C4orf54: variants seen among roughly 807,000 people sequenced by gnomAD.
C4orf54 encodes the protein chromosome 4 open reading frame 54, also known as uncharacterized protein C4orf54.
A neutral mutation model predicts 80.1 loss-of-function variants in C4orf54; 67 were observed. The ratio of observed to expected loss-of-function variants is 0.84; its 90% confidence interval spans 0.69 to 1.03. The LOEUF is 1.03. Among genes scored for constraint, C4orf54 ranks in the 50% least tolerant of loss-of-function variants. The pLI, the probability that C4orf54 is intolerant of heterozygous loss-of-function variation, is 0.00. For missense variants in C4orf54, 2,434 were observed against 2,253.5 expected, an observed-to-expected ratio of 1.08 and a Z score of -1.62; for synonymous variants, 1,000 against 917.0, an observed-to-expected ratio of 1.09 and a Z score of -1.64.
At chr4:99,644,454 TAAAAC>T (rs1726664322) in intron 2 of C4orf54, among the ~76,000 whole-genome samples, 1 of 151,856 alleles carries the variant, frequency 6.6e-6, no homozygotes, top group Admixed American at 6.6e-5. Flanking sequence ...GAAGATAAAA[TAAAAC>T]AGAAGCTATT....
At position 99,657,736 on chromosome 4, in the gene C4orf54, C is replaced by T. The variant is rs1727002865; in HGVS notation, c.-273G>A. On this transcript the variant is annotated 5_prime_UTR_variant, in exon 1 of 3. Coordinates refer to ENST00000511828, the MANE Select transcript of C4orf54 (RefSeq NM_001354435.2). ...AGGCTAAAGTAAAACAATTAAGAAC[C>T]CCAAACTGCTTTCCCTCTGGCATTT... Among the ~76,000 whole-genome samples, 1 of 152,088 alleles carries T rather than the reference C, an allele frequency of 6.6e-6. No individual in the cohort carries two copies. The highest frequency in any genetic ancestry group is 1.5e-5 in the Non-Finnish European group (1 of 68,008).
Position 99,649,996 on chromosome 4 carries a change from G to A in C4orf54, c.4653C>T (p.Ser1551=). The A allele has an allele frequency of 2.0e-6, 3 of 1,535,554 alleles. No homozygotes were observed. The highest frequency in any genetic ancestry group is 2.4e-5 in the South Asian group (2 of 84,026). Residue 1551 remains serine (S), a synonymous_variant, in exon 2 of 3, where the codon AGC becomes AGT. Transcript: ENST00000511828. ...AGATGGTGGTGGGGGGATGCTCGGG[G>A]CTCTGTGGCCCTGGGGGGGCAGCTA... ...ETVAAPPGPQ[S]PEHPPTTIYH...
Position 99,653,573 on chromosome 4 carries a change from G to A in C4orf54, c.1076C>T (p.Pro359Leu). ...IIAKSQGSRD[P>L]PKVEEAHYIT... Reference sequence around the variant, plus strand: ...GTAGTGAGCCTCTTCGACTTTGGGGGGGTCCCTGCTGCCCTGGGACTTGGC... The same window carrying A: ...GTAGTGAGCCTCTTCGACTTTGGGGAGGTCCCTGCTGCCCTGGGACTTGGC... Residue 359 changes from proline (P) to leucine (L), a missense_variant, in exon 2 of 3, where the codon CCC becomes CTC. Transcript: ENST00000511828. 1 of 1,535,964 alleles carries A rather than the reference G, an allele frequency of 6.5e-7. No individual in the cohort carries two copies. Among genetic ancestry groups the A allele is most frequent in the South Asian group, 1.2e-5 (1 of 84,054 alleles).
In C4orf54 at chr4:99,652,379, C is replaced by T; in HGVS notation, c.2270G>A (p.Arg757His). Reference sequence around the variant, plus strand: ...GGCCGAGCTGGCTTTGCTCTCACTGCGTACATTCAGGGGCTCCAAAAGGGT... The same window carrying T: ...GGCCGAGCTGGCTTTGCTCTCACTGTGTACATTCAGGGGCTCCAAAAGGGT... The part of the protein sequence containing the change: ...VVTLLEPLNV[R>H]SESKASSAPG... The change falls in exon 2 of 3, where the codon CGC becomes CAC. Residue 757 changes from arginine (R) to histidine (H), a missense_variant. Arg to His is a conservative substitution (Grantham distance 29, BLOSUM62 0). Transcript: ENST00000511828. 1.3e-6 allele frequency: 2 copies of T among 1,536,070 alleles called. No individual in the cohort carries two copies. Among genetic ancestry groups the T allele is most frequent in the Non-Finnish European group, 1.7e-6 (2 of 1,146,890 alleles).
At chr4:99,655,131 G>C (rs1241819347) in intron 1 of C4orf54, among the ~76,000 whole-genome samples, 1 of 152,078 alleles carries the variant, frequency 6.6e-6, no homozygotes, top group Non-Finnish European at 1.5e-5. Context: ...CATAAGAATA[G>C]AATATTCCAT....
In C4orf54 at chr4:99,650,675, C is replaced by A; in HGVS notation, c.3974G>T (p.Gly1325Val). 6.5e-7 allele frequency: 1 copy of A among 1,536,124 alleles called. No individual in the cohort carries two copies. The highest frequency in any genetic ancestry group is 8.7e-7 in the Non-Finnish European group (1 of 1,146,910). Residue 1325 changes from glycine to valine, a missense_variant, in exon 2 of 3, where the codon GGA (glycine) becomes GTA (valine). Transcript: ENST00000511828. ...TCGCAGGACCACACCAGCTTTGTTT[C>A]CTGTGCCCCGCTCTTCCACCTCACC... The part of the protein sequence containing the change: ...RLGEVEERGT[G>V]NKAGVVLRGA...
rs889042508 is a variant in C4orf54 at position 99,649,375 on chromosome 4, C to T, written c.5274G>A (p.Leu1758=). 3 of 1,535,998 alleles carry T rather than the reference C, an allele frequency of 2.0e-6. No individual in the cohort carries two copies. The highest frequency in any genetic ancestry group is 4.9e-5 in the East Asian group (2 of 40,918). Residue 1758 remains leucine, a synonymous_variant, in exon 2 of 3, where the codon CTG becomes CTA. Coordinates refer to ENST00000511828, the MANE Select transcript of C4orf54 (RefSeq NM_001354435.2). ...TAATGCTGATGACAGGCTTGCCATG[C>T]AGCTGGGCAAAGGCCTTGGCCCCTA... ...QLLGAKAFAQ[L]HGKPVISITS...
chr4:99,651,599 G>C lies in C4orf54; in HGVS notation c.3050C>G (p.Thr1017Ser), dbSNP rs1270529754. Residue 1017 changes from threonine (T) to serine (S), a missense_variant, in exon 2 of 3, where the codon ACC becomes AGC. By Grantham distance (58) the Thr-to-Ser change is moderately conservative (BLOSUM62 1). Transcript: ENST00000511828. ...CTTGGGTCTGATCACCGCTGTGGAG[G>C]TGGCCTGAGCAGCAGGGTACTTGGT... ...QATKYPAAQA[T>S]STAVIRPKAP... 6.5e-7 allele frequency: 1 copy of C among 1,536,146 alleles called. No individual in the cohort carries two copies. Among genetic ancestry groups the C allele is most frequent in the South Asian group, 1.2e-5 (1 of 84,052 alleles).
At chr4:99,647,975 C>T (rs913436912) in intron 2 of C4orf54, among the ~76,000 whole-genome samples, 1 of 151,736 alleles carries the variant, frequency 6.6e-6, no homozygotes, top group Non-Finnish European at 1.5e-5. Context: ...TCAGTTATAA[C>T]AGAGAAGAGA....
rs759543428 is a variant in C4orf54 at position 99,654,140 on chromosome 4, T to G, written c.509A>C (p.Asp170Ala). The G allele has an allele frequency of 8.5e-6, 13 of 1,536,134 alleles. No homozygotes were observed. The East Asian group carries it at 2.2e-4, about 26-fold the overall frequency. The change falls in exon 2 of 3, where the codon GAC (aspartate) becomes GCC (alanine). Residue 170 changes from aspartate to alanine, a missense_variant. Asp to Ala is a moderately radical substitution (Grantham distance 126, BLOSUM62 -2). Transcript: ENST00000511828. ...CAGCTGCTGCTTGAGCTCCTGGCTG[T>G]CTTGAGCACTGCTCACCCCGTCCCC... is the stretch of plus-strand genomic sequence containing the variant. ...EVGDGVSSAQ[D>A]SQELKQQLWP...
At chr4:99,642,673 C>T (rs1337788131) in intron 2 of C4orf54, among the ~76,000 whole-genome samples, 1 of 152,172 alleles carries the variant, frequency 6.6e-6, no homozygotes, top group Non-Finnish European at 1.5e-5. Flanking sequence ...AGAGGCCTCA[C>T]AAATATTTAC....
rs760826665 is a variant in C4orf54, at chr4:99,650,342, C to T, written c.4307G>A (p.Arg1436Gln). The T allele has an allele frequency of 7.8e-6, 12 of 1,535,906 alleles. No individual in the cohort carries two copies. Among genetic ancestry groups the T allele is most frequent in the South Asian group, 5.9e-5 (5 of 84,050 alleles). ...GGTGGCTGGAGAGATCTTGAGGGAC[C>T]GGAGTCCCTGCGACTTGATGCCCTT... ...AAKGIKSQGL[R>Q]SLKISPATRA... Residue 1436 changes from arginine to glutamine, a missense_variant, in exon 2 of 3, where the codon CGG (arginine) becomes CAG (glutamine). Arg to Gln is a conservative substitution (Grantham distance 43, BLOSUM62 1). Transcript: ENST00000511828.
At position 99,651,179 on chromosome 4, in the gene C4orf54, G is replaced by GA; in HGVS notation, c.3469_3470insT (p.Ala1157ValfsTer54). ...GCTGTCTTCCCTCTGGTTCACTACA[G>GA]CCTGGCATGTAATCACCATGGGGGA... On this transcript the variant is annotated frameshift_variant, in exon 2 of 3. Transcript: ENST00000511828. LOFTEE classifies it high-confidence loss of function. 6.5e-7 allele frequency: 1 copy of GA among 1,536,138 alleles called. No homozygotes were observed. The highest frequency in any genetic ancestry group is 8.7e-7 in the Non-Finnish European group (1 of 1,146,910).
chr4:99,654,010 A>G lies in C4orf54; in HGVS notation c.639T>C (p.Leu213=), dbSNP rs763265566. The change falls in exon 2 of 3, where the codon CTT becomes CTC. Residue 213 remains leucine (L), a synonymous_variant. Coordinates refer to ENST00000511828, the MANE Select transcript of C4orf54 (RefSeq NM_001354435.2). ...VQRESPQTMK[L]TLGHCPGGQR... is the part of the protein sequence containing the mutation. ...GACCCCCAGGGCAGTGCCCCAGGGT[A>G]AGTTTCATGGTCTGGGGACTCTCCC... The G allele has an allele frequency of 3.4e-4, 528 of 1,536,026 alleles. No homozygotes were observed. The highest frequency in any genetic ancestry group is 4.5e-4 in the Non-Finnish European group (512 of 1,146,890).
At position 99,649,685 on chromosome 4, in the gene C4orf54, A is replaced by G; in HGVS notation, c.4964T>C (p.Val1655Ala). ...AGGCACAGAGATGGACATGGGAGCC[A>G]CAGCCTGCTGCTGGGAGGTCATGGG... ...DVPMTSQQQA[V>A]APMSISVPPL... The change falls in exon 2 of 3, where the codon GTG becomes GCG. Residue 1655 changes from valine (V) to alanine (A), a missense_variant. By Grantham distance (64) the Val-to-Ala change is moderately conservative. Coordinates refer to ENST00000511828, the MANE Select transcript of C4orf54 (RefSeq NM_001354435.2). 6.5e-7 allele frequency: 1 copy of G among 1,536,206 alleles called. No homozygotes were observed. Among genetic ancestry groups the G allele is most frequent in the East Asian group, 2.4e-5 (1 of 40,916 alleles).
chr4:99,650,519 T>C lies in C4orf54; in HGVS notation c.4130A>G (p.Lys1377Arg), dbSNP rs1252644476. 3 of 1,535,984 alleles carry C rather than the reference T, an allele frequency of 2.0e-6. No individual in the cohort carries two copies. Among genetic ancestry groups the C allele is most frequent in the Non-Finnish European group, 2.6e-6 (3 of 1,146,908 alleles). Residue 1377 changes from lysine to arginine, a missense_variant, in exon 2 of 3, where the codon AAG becomes AGG. Lys to Arg is a conservative substitution (Grantham distance 26). Transcript: ENST00000511828. The part of the protein sequence containing the change: ...PRSLYIPPVH[K>R]DVERTQPLQP... ...CAGGGGTTGGGTTCTCTCTACATCC[T>C]TGTGGACTGGGGGAATATAGAGAGA...
At position 99,650,467 on chromosome 4, in the gene C4orf54, G is replaced by T. The variant is rs1578272937; in HGVS notation, c.4182C>A (p.Asn1394Lys). The change falls in exon 2 of 3, where the codon AAC becomes AAA. Residue 1394 changes from asparagine to lysine, a missense_variant. Asn to Lys is a moderately conservative substitution (Grantham distance 94, BLOSUM62 0). Coordinates refer to ENST00000511828, the MANE Select transcript of C4orf54 (RefSeq NM_001354435.2). ...PLQPLPPLPSNRNVFTVSASS... is the reference protein window; with the variant it reads ...PLQPLPPLPSKRNVFTVSASS... Reference sequence around the variant, plus strand: ...TGGCACTCACTGTGAACACGTTCCGGTTGCTGGGGAGTGGTGGGAGGGGCT... The same window carrying T: ...TGGCACTCACTGTGAACACGTTCCGTTTGCTGGGGAGTGGTGGGAGGGGCT... 16 of 1,536,058 alleles carry T rather than the reference G, an allele frequency of 1.0e-5. No homozygotes were observed. Among genetic ancestry groups the T allele is most frequent in the Non-Finnish European group, 1.2e-5 (14 of 1,146,846 alleles).
intron 2 of C4orf54, among the ~76,000 whole-genome samples, chr4:99,647,407 C>A (rs891850884): frequency 6.6e-6 from 1 of 152,308 alleles, no homozygotes; most frequent in South Asian, 2.1e-4. Flanking sequence ...CTATAGGCTA[C>A]TCTTTTCCTT....
At chr4:99,656,866 C>CT (rs1726987530) in intron 1 of C4orf54, among the ~76,000 whole-genome samples, 1 of 152,200 alleles carries the variant, frequency 6.6e-6, no homozygotes, top group Non-Finnish European at 1.5e-5. Context: ...GACTTCCATG[C>CT]TCAAATACTC....
Sources: gnomAD v4.1 joint callset for allele counts (sites outside exome capture counted in the v4.1 genomes callset) on GRCh38, gnomAD v4.1.1 for gene constraint, MANE v1.5 for transcripts, NCBI Gene and HGNC (gene_info 2026-07-23, HGNC 2026-07-21) for gene names.